DIP2B: variants seen among roughly 807,000 people sequenced by gnomAD.
DIP2B encodes the protein DIP2 acetate--CoA ligase B (putative).
In DIP2B, 76 loss-of-function variants were observed where a neutral mutation model predicts 198.0. The observed-to-expected ratio is 0.38, with a 90% CI of 0.32 to 0.46. DIP2B has a LOEUF of 0.46. Ranked by LOEUF, DIP2B falls within the 20% of genes least tolerant of loss-of-function variation. The probability of loss-of-function intolerance (pLI) is 0.99; values close to 1 mark genes in which losing one functional copy is unlikely to be tolerated. For synonymous variants in DIP2B, 701 were observed against 739.1 expected (o/e 0.95, Z 0.84); for missense variants, 1,559 against 1,978.4 (o/e 0.79, Z 4.02).
At chr12:50,530,998 G>T (rs544940735) in intron 1 of DIP2B, among the ~76,000 whole-genome samples, 1 of 152,176 alleles carries the variant, frequency 6.6e-6, no homozygotes, top group African/African-American at 2.4e-5. Context: ...TCCTTAGCAT[G>T]TATCGCTGAT....
chr12:50,568,337 C>T (rs1400298858), intron 1 of DIP2B, among the ~76,000 whole-genome samples: 1 of 152,126 alleles, frequency 6.6e-6, no homozygotes, highest in Non-Finnish European at 1.5e-5. Flanking sequence ...TTCTTGGGCT[C>T]CTAGGGGCTT....
At chr12:50,516,236 TC>T (rs1179180415) in intron 1 of DIP2B, among the ~76,000 whole-genome samples, 1 of 149,450 alleles carries the variant, frequency 6.7e-6, no homozygotes, top group Non-Finnish European at 1.5e-5. Flanking sequence ...TCTCTCTCTC[TC>T]TCTCTCTCTA....
Position 50,732,516 on chromosome 12 carries a change from A to C in DIP2B, c.3961A>C (p.Asn1321His). 6.2e-7 allele frequency: 1 copy of C among 1,614,216 alleles called. No individual in the cohort carries two copies. The highest frequency in any genetic ancestry group is 8.5e-7 in the Non-Finnish European group (1 of 1,180,032). The change falls in exon 32 of 38, where the codon AAT becomes CAT. Residue 1321 changes from asparagine to histidine, a missense_variant. Asn to His is a moderately conservative substitution (Grantham distance 68). Transcript: ENST00000301180. ...AVSTTFGSRV[N>H]VAICLQGTSG... The stretch of plus-strand genomic sequence containing the variant: ...CAGCACCACTTTTGGATCAAGAGTC[A>C]ATGTAGCAATATGTTTACAGGTGAC...
At position 50,744,958 on chromosome 12, in the gene DIP2B, A is replaced by C. The variant is rs969856262; in HGVS notation, c.*119A>C. ...CTGAGATGGCTACATGATATTCTTC[A>C]TCTCATCCTGTGGGATTCTGCAATC... On this transcript the variant is annotated 3_prime_UTR_variant, in exon 38 of 38. Transcript: ENST00000301180. The C allele has an allele frequency of 5.6e-6, 7 of 1,240,522 alleles. No individual in the cohort carries two copies. The highest frequency in any genetic ancestry group is 2.6e-4 in the Middle Eastern group (1 of 3,816). 76.8% of individuals were successfully genotyped at this position (1,240,522 alleles called of 1,614,324 possible). A position where few individuals can be genotyped will look rare whatever the true frequency, so the allele number is the denominator to read the frequency against.
At chr12:50,731,992 A>T (rs1467894563) in intron 31 of DIP2B, among the ~76,000 whole-genome samples, 1 of 152,200 alleles carries the variant, frequency 6.6e-6, no homozygotes, top group Admixed American at 6.5e-5. Context: ...TGATAGAAAA[A>T]TATCTTTGGA....
intron 1 of DIP2B, among the ~76,000 whole-genome samples, chr12:50,552,160 T>G (rs535664172): frequency 6.6e-6 from 1 of 152,326 alleles, no homozygotes; most frequent in Admixed American, 6.5e-5. Context: ...ATGAATGATG[T>G]TGAGCATCTT....
rs74683372 is a variant in DIP2B at position 50,588,768 on chromosome 12, G to A, written c.101-37208G>A. 1.4e-3 allele frequency among the ~76,000 whole-genome samples: 220 copies of A among 152,274 alleles called. 2 individuals carry two copies. The highest frequency in any genetic ancestry group is 4.6e-3 in the African/African-American group (190 of 41,536). ...CTTTCTGTAGAACATTATAAATTTG[G>A]AGGATAGAGGTGGGGTTTGATGAAG... is the stretch of plus-strand genomic sequence containing the variant. On this transcript the variant is annotated intron_variant, in intron 1 of 37. Transcript: ENST00000301180.
At chr12:50,650,768 T>C (rs1473103437) in intron 3 of DIP2B, among the ~76,000 whole-genome samples, 1 of 152,246 alleles carries the variant, frequency 6.6e-6, no homozygotes, top group Non-Finnish European at 1.5e-5. Flanking sequence ...GCAGTGAACA[T>C]GAGTGTACAA....
intron 6 of DIP2B, among the ~76,000 whole-genome samples, 193 bp downstream of exon 6, chr12:50,674,822 A>C (rs964132782): frequency 1.3e-5 from 2 of 152,236 alleles, no homozygotes; most frequent in African/African-American, 4.8e-5. Context: ...AACTTAGTGG[A>C]TACTTCCAGA....
intron 3 of DIP2B, among the ~76,000 whole-genome samples, chr12:50,648,427 G>A (rs1013269908): frequency 4.6e-5 from 7 of 152,002 alleles, no homozygotes; most frequent in African/African-American, 1.4e-4. Context: ...CCAGTGGCCC[G>A]ATCTCGGCTC....
intron 1 of DIP2B, among the ~76,000 whole-genome samples, chr12:50,625,140 T>C (rs1937907751): frequency 6.6e-6 from 1 of 152,208 alleles, no homozygotes; most frequent in Non-Finnish European, 1.5e-5. Flanking sequence ...AAAACAGTGC[T>C]CTGTCATGTC....
At chr12:50,613,918 T>C (rs1937649759) in intron 1 of DIP2B, among the ~76,000 whole-genome samples, 1 of 152,214 alleles carries the variant, frequency 6.6e-6, no homozygotes, top group Admixed American at 6.5e-5. Flanking sequence ...TGTAGGAAGT[T>C]CTTAGTGTTT....
At chr12:50,710,429 GT>G (rs35072607) in intron 22 of DIP2B, among the ~76,000 whole-genome samples, 18 of 144,966 alleles carry the variant, frequency 1.2e-4, no homozygotes, top group East Asian at 4.0e-4. Flanking sequence ...GTTTTGTTTT[GT>G]TTTTTTTTTT....
intron 1 of DIP2B, among the ~76,000 whole-genome samples, chr12:50,587,077 A>G (rs943330490): frequency 1.4e-4 from 21 of 152,166 alleles, no homozygotes; most frequent in Non-Finnish European, 2.2e-4. Flanking sequence ...TATTATAAAA[A>G]TAAGTATCCT....
chr12:50,559,924 G>A lies in DIP2B; in HGVS notation c.100+54684G>A, dbSNP rs572536862. Among the ~76,000 whole-genome samples, 13 of 152,178 alleles carry A rather than the reference G, an allele frequency of 8.5e-5. No individual in the cohort carries two copies. In the East Asian group the frequency reaches 9.6e-4, roughly 11 times the overall value. ...GTGTGCCTGTGTACAAGTATAAGCCGTGTAAAGATTTTTAAAAATATATCT... is the reference window on the plus strand; with the variant it reads ...GTGTGCCTGTGTACAAGTATAAGCCATGTAAAGATTTTTAAAAATATATCT... On this transcript the variant is annotated intron_variant, in intron 1 of 37. Transcript: ENST00000301180.
chr12:50,671,922 C>G (rs544266983), intron 5 of DIP2B, among the ~76,000 whole-genome samples: 5 of 152,268 alleles, frequency 3.3e-5, no homozygotes, highest in African/African-American at 1.2e-4. Flanking sequence ...GAGCTGCTAT[C>G]GATACACTGC....
Position 50,744,920 on chromosome 12 carries a change from G to A in DIP2B, c.*81G>A, listed in dbSNP as rs561803173. 1.4e-4 allele frequency: 217 copies of A among 1,516,456 alleles called. No homozygotes were observed. Among genetic ancestry groups the A allele is most frequent in the Non-Finnish European group, 1.8e-4 (203 of 1,115,540 alleles). 93.9% of individuals were successfully genotyped at this position (1,516,456 alleles called of 1,614,324 possible). On this transcript the variant is annotated 3_prime_UTR_variant, in exon 38 of 38. Transcript: ENST00000301180. ...CTCTGGCTAAGAGCAGGCTTCAAAC[G>A]ATGTGAAATAAGCTGAGATGGCTAC...
chr12:50,706,811 T>TTTC (rs1555194259), intron 21 of DIP2B, 146 bp downstream of exon 21: 34 of 782,660 alleles, frequency 4.3e-5, no homozygotes, highest in African/African-American at 1.9e-4. Flanking sequence ...GGCTTTTTTT[T>TTTC]TTCTTCTTCT....
At chr12:50,686,431 CTAAAAACTAA>C (rs1294781404) in intron 11 of DIP2B, 132 bp from the exon 12 acceptor site, 2 of 729,270 alleles carry the variant, frequency 2.7e-6, no homozygotes, top group Non-Finnish European at 4.4e-6. Context: ...TGATTTGCCA[CTAAAAACTAA>C]TAAAAACTAA....
Sources: gnomAD v4.1 joint callset for allele counts (sites outside exome capture counted in the v4.1 genomes callset) on GRCh38, gnomAD v4.1.1 for gene constraint, MANE v1.5 for transcripts, NCBI Gene and HGNC (gene_info 2026-07-23, HGNC 2026-07-21) for gene names.